The following ZNF775 variants were observed in gnomAD, a reference collection of about 807,000 sequenced individuals.
ZNF775 encodes the protein zinc finger protein 775.
ZNF775 carries 1 observed loss-of-function variant against 2.4 expected under a neutral mutation model. The ratio of observed to expected loss-of-function variants is 0.41; its 90% confidence interval spans 0.15 to 1.94. The LOEUF (loss-of-function observed/expected upper bound fraction) is 1.94. Among genes scored for constraint, ZNF775 ranks in the 30% most tolerant of loss-of-function variants. The pLI is 0.30. For missense variants in ZNF775, 823 were observed against 826.6 expected, an observed-to-expected ratio of 1.00 and a Z score of 0.05; for synonymous variants, 381 against 373.3, an observed-to-expected ratio of 1.02 and a Z score of -0.24.
In ZNF775 at chr7:150,384,689, T is replaced by TC. The variant is rs751418808; in HGVS notation, c.-49-3731dup. On this transcript the variant is annotated intron_variant, in intron 1 of 2. Transcript: ENST00000329630. This position sits in a 1 kb window ranked among gnomAD's most constrained non-coding sequence, Gnocchi z 4.1. Reference sequence around the variant, plus strand: ...CTCACTTCTTCCTCTTGGGTCCTCTTCCTTCTGTCTCCATTTCTGTTCTTA... The same window carrying TC: ...CTCACTTCTTCCTCTTGGGTCCTCTTCCCTTCTGTCTCCATTTCTGTTCTTA... 2.6e-5 allele frequency among the ~76,000 whole-genome samples: 4 copies of TC among 152,176 alleles called. No individual in the cohort carries two copies. Among genetic ancestry groups the TC allele is most frequent in the Non-Finnish European group, 4.4e-5 (3 of 68,034 alleles).
chr7:150,383,804 T>C (rs1428902717), intron 1 of ZNF775: 1 of 152,512 alleles, frequency 6.6e-6, no homozygotes, highest in African/African-American at 2.4e-5. Context: ...ATGATACCTG[T>C]GGCATGGTCT....
At chr7:150,381,370 G>C (rs2129620773) in intron 1 of ZNF775, among the ~76,000 whole-genome samples, 1 of 152,196 alleles carries the variant, frequency 6.6e-6, no homozygotes, top group South Asian at 2.1e-4. Flanking sequence ...AGGTCTCCTG[G>C]GAATGTCGAG....
At chr7:150,383,176 TC>T (rs1800391995) in intron 1 of ZNF775, among the ~76,000 whole-genome samples, 1 of 152,254 alleles carries the variant, frequency 6.6e-6, no homozygotes, top group Non-Finnish European at 1.5e-5. Context: ...AGCATTTACA[TC>T]AGTTTCTTAT....
At position 150,398,247 on chromosome 7, in the gene ZNF775, G is replaced by A. The variant is rs1800721343; in HGVS notation, c.*152G>A. 1 of 1,270,038 alleles carries A rather than the reference G, an allele frequency of 7.9e-7. No individual in the cohort carries two copies. Among genetic ancestry groups the A allele is most frequent in the African/African-American group, 1.5e-5 (1 of 65,694 alleles). 78.7% of individuals were successfully genotyped at this position (1,270,038 alleles called of 1,614,324 possible). A position where few individuals can be genotyped will look rare whatever the true frequency, so the allele number is the denominator to read the frequency against. ...CTCTGAAGGGCTGAGAACAGTTCTA[G>A]AAGCGTCCCAAAGGGTGCTGGGAAA... On this transcript the variant is annotated 3_prime_UTR_variant, in exon 3 of 3. Transcript: ENST00000329630.
At chr7:150,383,942 G>A in intron 1 of ZNF775, 1 of 152,680 alleles carries the variant, frequency 6.5e-6, no homozygotes, top group Non-Finnish European at 1.5e-5. Context: ...TCCCCCAGCT[G>A]CTGTCTGGCC....
chr7:150,397,373 A>G lies in ZNF775; in HGVS notation c.892A>G (p.Ile298Val). The change falls in exon 3 of 3, where the codon ATC (isoleucine) becomes GTC (valine). Residue 298 changes from isoleucine (I) to valine (V), a missense_variant. Transcript: ENST00000329630. ...KSFTWWSSLN[I>V]HQRIHTGERP... Reference sequence around the variant, plus strand: ...CTTCACCTGGTGGTCGTCGCTGAACATCCACCAGCGCATCCACACTGGCGA... The same window carrying G: ...CTTCACCTGGTGGTCGTCGCTGAACGTCCACCAGCGCATCCACACTGGCGA... The G allele has an allele frequency of 6.3e-7, 1 of 1,594,786 alleles. No homozygotes were observed. Among genetic ancestry groups the G allele is most frequent in the Non-Finnish European group, 8.5e-7 (1 of 1,174,286 alleles).
chr7:150,379,874 A>G (rs1273133594), intron 1 of ZNF775: 1 of 152,286 alleles, frequency 6.6e-6, no homozygotes, highest in Non-Finnish European at 1.5e-5. Context: ...TGATTAAACG[A>G]GCGGGGATAA....
At chr7:150,387,295 C>A (rs78632249) in intron 1 of ZNF775, among the ~76,000 whole-genome samples, 179 of 102,780 alleles carry the variant, frequency 1.7e-3, no homozygotes, top group South Asian at 2.3e-3. Flanking sequence ...GACTCTGTCT[C>A]AAAAAAAAAA....
chr7:150,397,179 C>G lies in ZNF775; in HGVS notation c.698C>G (p.Ala233Gly), dbSNP rs548808389. ...CACGAGCTGATTCAGGACGCGGCGG[C>G]GCGCCGGGCCTGTCGCCTGCAGCCG... is the stretch of plus-strand genomic sequence containing the variant. ...GLHELIQDAA[A>G]RRACRLQPGP... Residue 233 changes from alanine to glycine, a missense_variant, in exon 3 of 3, where the codon GCG becomes GGG. Coordinates refer to ENST00000329630, the MANE Select transcript of ZNF775 (RefSeq NM_173680.4). 1 of 1,262,372 alleles carries G rather than the reference C, an allele frequency of 7.9e-7. No homozygotes were observed. The allele number at this position is 1,262,372 out of a possible 1,614,324, so 78.2% of individuals were successfully genotyped here.
At chr7:150,395,262 T>C (rs1439703135) in intron 2 of ZNF775, among the ~76,000 whole-genome samples, 1 of 152,240 alleles carries the variant, frequency 6.6e-6, no homozygotes, top group Non-Finnish European at 1.5e-5. Context: ...AGAATCCTTT[T>C]TGCGGCTACA....
At chr7:150,387,374 T>A (rs7810242) in intron 1 of ZNF775, among the ~76,000 whole-genome samples, 69,924 of 149,024 alleles carry the variant, frequency 0.47, 16,483 homozygotes, top group Admixed American at 0.51. Flanking sequence ...GATAGAAGTG[T>A]GGGGGGCAAG....
chr7:150,384,312 G>A lies in ZNF775; in HGVS notation c.-49-4110G>A, dbSNP rs1800415910. Among the ~76,000 whole-genome samples the A allele has an allele frequency of 6.6e-6, 1 of 152,218 alleles. No individual in the cohort carries two copies. The highest frequency in any genetic ancestry group is 2.1e-4 in the South Asian group (1 of 4,836). On this transcript the variant is annotated intron_variant, in intron 1 of 2. Coordinates refer to ENST00000329630, the MANE Select transcript of ZNF775 (RefSeq NM_173680.4). This position sits in a 1 kb window ranked among gnomAD's most constrained non-coding sequence, Gnocchi z 4.1. ...GGTGTGGGCACTGGTGGGAGATGGCGCATCTGGCCCTTGATGCCTGTCTTC... is the reference window on the plus strand; with the variant it reads ...GGTGTGGGCACTGGTGGGAGATGGCACATCTGGCCCTTGATGCCTGTCTTC...
intron 2 of ZNF775, among the ~76,000 whole-genome samples, chr7:150,389,193 C>T (rs185385855): frequency 2.0e-5 from 3 of 152,308 alleles, no homozygotes; most frequent in African/African-American, 4.8e-5. Flanking sequence ...CAGAGCACAC[C>T]GGCTACCCTT....
chr7:150,398,071 C>T lies in ZNF775; in HGVS notation c.1590C>T (p.Cys530=). 1 of 1,559,622 alleles carries T rather than the reference C, an allele frequency of 6.4e-7. No homozygotes were observed. Among genetic ancestry groups the T allele is most frequent in the Non-Finnish European group, 8.6e-7 (1 of 1,157,266 alleles). The change falls in exon 3 of 3, where the codon TGC becomes TGT. Residue 530 remains cysteine, a synonymous_variant. Coordinates refer to ENST00000329630, the MANE Select transcript of ZNF775 (RefSeq NM_173680.4). ...GCGTGCACCGCGCGGCCCCTGCGTGCAGCCCCAAGGAGGAGGCGCGCTAGT... is the reference window on the plus strand; with the variant it reads ...GCGTGCACCGCGCGGCCCCTGCGTGTAGCCCCAAGGAGGAGGCGCGCTAGT... The part of the protein sequence containing the change: ...HQRVHRAAPA[C]SPKEEAR
At position 150,390,723 on chromosome 7, in the gene ZNF775, C is replaced by A. The variant is rs141753546; in HGVS notation, c.31+2222C>A. Among the ~76,000 whole-genome samples the A allele has an allele frequency of 3.9e-3, 595 of 152,268 alleles. 5 individuals are homozygous for A. The highest frequency in any genetic ancestry group is 0.013 in the African/African-American group (560 of 41,536). ...TAATTAAGTTATTTTCCATTGTTTG[C>A]TGATTACAAAGAACACTTCAGTGAA... is the stretch of plus-strand genomic sequence containing the variant. On this transcript the variant is annotated intron_variant, in intron 2 of 2. Coordinates refer to ENST00000329630, the MANE Select transcript of ZNF775 (RefSeq NM_173680.4).
At chr7:150,392,259 G>C (rs1283987526) in intron 2 of ZNF775, among the ~76,000 whole-genome samples, 3 of 152,240 alleles carry the variant, frequency 2.0e-5, no homozygotes, top group East Asian at 1.9e-4. Flanking sequence ...TCCCCAAAGA[G>C]AGAGTTGGTT....
chr7:150,392,895 C>T (rs1800584495), intron 2 of ZNF775, among the ~76,000 whole-genome samples: 1 of 152,118 alleles, frequency 6.6e-6, no homozygotes, highest in African/African-American at 2.4e-5. Flanking sequence ...AGTAGAGTTC[C>T]CCTATACCTT....
chr7:150,381,605 A>C (rs1800363486), intron 1 of ZNF775, among the ~76,000 whole-genome samples: 1 of 136,728 alleles, frequency 7.3e-6, no homozygotes, highest in Non-Finnish European at 1.5e-5. Context: ...TACCACGAGC[A>C]AGCGTTATTT....
intron 1 of ZNF775, among the ~76,000 whole-genome samples, chr7:150,385,868 G>T (rs1800443791): frequency 6.6e-6 from 1 of 152,200 alleles, no homozygotes; most frequent in African/African-American, 2.4e-5. Context: ...TGGGAGGCAG[G>T]GGTGATGTCT....
Sources: allele counts gnomAD v4.1 joint callset (sites outside exome capture counted in the v4.1 genomes callset), GRCh38; gene constraint gnomAD v4.1.1; non-coding constraint Gnocchi (gnomAD v3.1); transcripts MANE v1.5; gene names NCBI Gene and HGNC (gene_info 2026-07-23, HGNC 2026-07-21).